Variants in PSMD13 observed in about 807,000 individuals in gnomAD.
PSMD13 encodes 26S proteasome non-ATPase regulatory subunit 13.
In PSMD13, 8 loss-of-function variants were observed where a neutral mutation model predicts 57.4. That is an observed-to-expected ratio of 0.14 (90% CI 0.08 to 0.25). PSMD13 has a LOEUF of 0.25. Ranked by LOEUF, PSMD13 falls within the 10% of genes least tolerant of loss-of-function variation. The pLI is 1.00. For missense variants in PSMD13, 400 were observed against 461.5 expected, an observed-to-expected ratio of 0.87 and a Z score of 1.22; for synonymous variants, 193 against 168.2, an observed-to-expected ratio of 1.15 and a Z score of -1.14.
chr11:249,432 CTT>C (rs2042356252), intron 9 of PSMD13, among the ~76,000 whole-genome samples: 1 of 151,884 alleles, frequency 6.6e-6, no homozygotes, highest in South Asian at 2.1e-4. Flanking sequence ...AGTTTAGTAT[CTT>C]TGCTGAACTG....
intron 6 of PSMD13, among the ~76,000 whole-genome samples, chr11:246,681 G>A (rs965801311): frequency 6.6e-6 from 1 of 152,154 alleles, no homozygotes; most frequent in African/African-American, 2.4e-5. Context: ...AGCACCATAT[G>A]AGTACTCTGG....
chr11:241,375 G>A (rs754205580), intron 2 of PSMD13, among the ~76,000 whole-genome samples: 66 of 152,122 alleles, frequency 4.3e-4, no homozygotes, highest in Non-Finnish European at 8.4e-4. Context: ...CTGTCCTCAC[G>A]TGATCCACCA....
At chr11:247,248 A>G (rs1295170107) in intron 6 of PSMD13, 29 bp from the exon 7 acceptor site, 6 of 1,585,450 alleles carry the variant, frequency 3.8e-6, no homozygotes, top group South Asian at 3.4e-5. Flanking sequence ...TAACTTAAAA[A>G]GAGAGATGAT....
intron 6 of PSMD13, among the ~76,000 whole-genome samples, chr11:246,440 G>A (rs1859649370): frequency 6.6e-6 from 1 of 152,034 alleles, no homozygotes; most frequent in Non-Finnish European, 1.5e-5. Flanking sequence ...GGCGGAGGTT[G>A]CAGTGAGCCG....
intron 2 of PSMD13, chr11:243,191 G>T: frequency 3.2e-6 from 2 of 618,384 alleles, no homozygotes; most frequent in Non-Finnish European, 6.4e-6. Context: ...TTTAATTTAG[G>T]TATCATTTAT....
chr11:249,002 T>C lies in PSMD13; in HGVS notation c.719T>C (p.Phe240Ser), dbSNP rs781156265. 2 of 1,613,976 alleles carry C rather than the reference T, an allele frequency of 1.2e-6. No individual in the cohort carries two copies. The highest frequency in any genetic ancestry group is 1.7e-6 in the Non-Finnish European group (2 of 1,180,048). ...TGGCTGATTGACACCCTCTATGCCT[T>C]CAACAGTGGCAACGTAGAGCGGTTC... Reference protein sequence around the residue: ...RQWLIDTLYAFNSGNVERFQT... With the variant: ...RQWLIDTLYASNSGNVERFQT... The change falls in exon 9 of 13, where the codon TTC becomes TCC. Residue 240 changes from phenylalanine to serine, a missense_variant. Phe to Ser is a radical substitution (Grantham distance 155). Coordinates refer to ENST00000532097, the MANE Select transcript of PSMD13 (RefSeq NM_002817.4).
rs1415482556 is a variant in PSMD13, at chr11:239,066, G to A, written c.164G>A (p.Gly55Asp). 1 of 1,613,628 alleles carries A rather than the reference G, an allele frequency of 6.2e-7. No individual in the cohort carries two copies. The highest frequency in any genetic ancestry group is 1.7e-5 in the Admixed American group (1 of 60,004). Residue 55 changes from glycine to aspartate, a missense_variant, in exon 2 of 13, where the codon GGT becomes GAT. Coordinates refer to ENST00000532097, the MANE Select transcript of PSMD13 (RefSeq NM_002817.4). ...VQDPCFAQGD[G>D]LIKLYENFIS... is the part of the protein sequence containing the mutation. ...GATCCGTGCTTTGCCCAAGGAGATG[G>A]TCTCATTAAGGTAAATAATTTGCTA...
In PSMD13 at chr11:251,699, G is replaced by A. The variant is rs1248378356; in HGVS notation, c.918+73G>A. Reference sequence around the variant, plus strand: ...GAGGAGTCAAGGCTCTTGTGTGAGCGCTGTGCTCCCTAGACAGTAAAAAAT... The same window carrying A: ...GAGGAGTCAAGGCTCTTGTGTGAGCACTGTGCTCCCTAGACAGTAAAAAAT... On this transcript the variant is annotated intron_variant, in intron 11 of 12. Transcript: ENST00000532097. The surrounding 1 kb of genome is among the most constrained non-coding windows in gnomAD (Gnocchi z 4.6). 9.7e-6 allele frequency: 15 copies of A among 1,543,910 alleles called. No individual in the cohort carries two copies. Among genetic ancestry groups the A allele is most frequent in the Middle Eastern group, 1.7e-4 (1 of 5,922 alleles).
chr11:252,462 C>T lies in PSMD13; in HGVS notation c.1036-43C>T, dbSNP rs530115727. ...TGTGCCGGCCGCTCGGCCTGTGTCTCCTGCGTGTCTTAACGTCCCTTGTGT... is the reference window on the plus strand; with the variant it reads ...TGTGCCGGCCGCTCGGCCTGTGTCTTCTGCGTGTCTTAACGTCCCTTGTGT... On this transcript the variant is annotated intron_variant, in intron 12 of 12. Coordinates refer to ENST00000532097, the MANE Select transcript of PSMD13 (RefSeq NM_002817.4). The surrounding 1 kb of genome is among the most constrained non-coding windows in gnomAD (Gnocchi z 4.1). 5.3e-5 allele frequency: 84 copies of T among 1,597,194 alleles called. No homozygotes were observed. The highest frequency in any genetic ancestry group is 6.5e-5 in the Non-Finnish European group (76 of 1,165,050).
intron 1 of PSMD13, among the ~76,000 whole-genome samples, chr11:237,977 T>A (rs1048471698): frequency 6.6e-6 from 1 of 152,248 alleles, no homozygotes; most frequent in African/African-American, 2.4e-5. Context: ...ATGTTTAGCA[T>A]TCAGCAGCCT....
In PSMD13 at chr11:249,142, GC is replaced by G. The variant is rs1859717624; in HGVS notation, c.774+86del. 1.5e-5 allele frequency: 23 copies of G among 1,568,452 alleles called. No homozygotes were observed. The East Asian group carries it at 5.2e-4, about 35-fold the overall frequency. ...GATGTTCATTGAGCGTCTTCCCTAG[GC>G]ACACAGGAAAGAACAGGGCAAAGAG... On this transcript the variant is annotated intron_variant, in intron 9 of 12. Coordinates refer to ENST00000532097, the MANE Select transcript of PSMD13 (RefSeq NM_002817.4).
In PSMD13 at chr11:251,817, C is replaced by T. The variant is rs1859770700; in HGVS notation, c.919-3C>T. The T allele has an allele frequency of 1.9e-6, 3 of 1,613,558 alleles. No individual in the cohort carries two copies. Among genetic ancestry groups the T allele is most frequent in the Non-Finnish European group, 2.5e-6 (3 of 1,179,560 alleles). Reference sequence around the variant, plus strand: ...TCTTACACACGCCTCCCTCTCTGCACAGGTGGAGCTTCTGGTGATGAAGGC... The same window carrying T: ...TCTTACACACGCCTCCCTCTCTGCATAGGTGGAGCTTCTGGTGATGAAGGC... On this transcript the variant is annotated splice_polypyrimidine_tract_variant and splice_region_variant and intron_variant, in intron 11 of 12. Coordinates refer to ENST00000532097, the MANE Select transcript of PSMD13 (RefSeq NM_002817.4). This position sits in a 1 kb window ranked among gnomAD's most constrained non-coding sequence, Gnocchi z 4.6.
At position 248,778 on chromosome 11, in the gene PSMD13, T is replaced by A. The variant is rs775655100; in HGVS notation, c.571T>A (p.Ser191Thr). 3 of 1,613,978 alleles carry A rather than the reference T, an allele frequency of 1.9e-6. No individual in the cohort carries two copies. The highest frequency in any genetic ancestry group is 2.5e-6 in the Non-Finnish European group (3 of 1,179,916). Reference sequence around the variant, plus strand: ...GTGGGCCTGTGTTGCTACCATAGTGTCTGAGCAGCAGGAGAGAGCCTTCAC... The same window carrying A: ...GTGGGCCTGTGTTGCTACCATAGTGACTGAGCAGCAGGAGAGAGCCTTCAC... ...GCVDIKDLPV[S>T]EQQERAFTLG... The change falls in exon 8 of 13, where the codon TCT becomes ACT. Residue 191 changes from serine to threonine, a missense_variant and splice_region_variant. By Grantham distance (58) the Ser-to-Thr change is moderately conservative. Coordinates refer to ENST00000532097, the MANE Select transcript of PSMD13 (RefSeq NM_002817.4).
At chr11:239,382 G>A (rs923733227) in intron 2 of PSMD13, among the ~76,000 whole-genome samples, 1 of 152,198 alleles carries the variant, frequency 6.6e-6, no homozygotes, top group Non-Finnish European at 1.5e-5. Flanking sequence ...CTAGCATAAA[G>A]TATTATCTTA....
rs759212717 is a variant in PSMD13, at chr11:248,955, C to G, written c.672C>G (p.Ser224=). The change falls in exon 9 of 13, where the codon TCC becomes TCG. Residue 224 remains serine, a synonymous_variant. Transcript: ENST00000532097. ...GELLMHPVLE[S]LRNTDRQWLI... is the part of the protein sequence containing the mutation. ...AGCTCATGCACCCTGTGCTGGAGTC[C>G]CTGAGGAATACTGACCGGCAGTGGC... The G allele has an allele frequency of 6.2e-7, 1 of 1,614,112 alleles. No individual in the cohort carries two copies. Among genetic ancestry groups the G allele is most frequent in the South Asian group, 1.1e-5 (1 of 91,078 alleles).
At chr11:243,924 G>T (rs1590248614) in intron 2 of PSMD13, 117 bp from the exon 3 acceptor site, 17 of 1,014,686 alleles carry the variant, frequency 1.7e-5, no homozygotes, top group East Asian at 1.3e-4. Flanking sequence ...ACTGTGGCTT[G>T]CACACTCCCA....
chr11:245,681 T>TG (rs1554895590), intron 6 of PSMD13, among the ~76,000 whole-genome samples: 79 of 94,374 alleles, frequency 8.4e-4, no homozygotes, highest in South Asian at 7.6e-3. Context: ...TGTGTGTGTG[T>TG]TTGCATGTGT....
In PSMD13 at chr11:244,052, C is replaced by CT. The variant is rs1859579645; in HGVS notation, c.189dup (p.Ile64TyrfsTer3). Reference sequence around the variant, plus strand: ...TTTTGGTTTCACAGCTTTATGAAAACTTTATCAGTGAATTTGAACACAGGT... The same window carrying CT: ...TTTTGGTTTCACAGCTTTATGAAAACTTTTATCAGTGAATTTGAACACAGGT... On this transcript the variant is annotated frameshift_variant, in exon 3 of 13. Coordinates refer to ENST00000532097, the MANE Select transcript of PSMD13 (RefSeq NM_002817.4). LOFTEE classifies it high-confidence loss of function. 6.2e-7 allele frequency: 1 copy of CT among 1,608,388 alleles called. No individual in the cohort carries two copies. The highest frequency in any genetic ancestry group is 1.3e-5 in the African/African-American group (1 of 74,672).
intron 2 of PSMD13, among the ~76,000 whole-genome samples, chr11:239,352 T>C (rs905439214): frequency 2.0e-5 from 3 of 152,226 alleles, no homozygotes; most frequent in Non-Finnish European, 2.9e-5. Flanking sequence ...AACACTGACA[T>C]TCTGGCTTTT....
Sources: gnomAD v4.1 joint callset for allele counts (sites outside exome capture counted in the v4.1 genomes callset) on GRCh38, gnomAD v4.1.1 for gene constraint, Gnocchi (gnomAD v3.1) non-coding constraint, MANE v1.5 for transcripts, NCBI Gene and HGNC (gene_info 2026-07-23, HGNC 2026-07-21) for gene names.